The following FRMD4A variants were observed in gnomAD, a reference collection of about 807,000 sequenced individuals.
The protein encoded by FRMD4A is FERM domain-containing protein 4A.
FRMD4A carries 29 observed loss-of-function variants against 129.1 expected under a neutral mutation model. That is an observed-to-expected ratio of 0.22 (90% confidence interval 0.17 to 0.31). FRMD4A has a LOEUF of 0.31. Among genes scored for constraint, FRMD4A ranks in the 10% least tolerant of loss-of-function variants. The pLI is 1.00. For missense variants in FRMD4A, 1,272 were observed against 1,375.8 expected (o/e 0.92, Z 1.19); for synonymous variants, 634 against 571.6 (o/e 1.11, Z -1.56).
intron 2 of FRMD4A, among the ~76,000 whole-genome samples, chr10:14,142,017 G>A (rs759127411): frequency 4.6e-5 from 7 of 152,134 alleles, no homozygotes; most frequent in Non-Finnish European, 1.0e-4. Flanking sequence ...AAAGATTCAT[G>A]AGAAAGGCAG....
At chr10:13,910,888 G>GAAAAAAAA (rs141449954) in intron 2 of FRMD4A, among the ~76,000 whole-genome samples, 2 of 83,100 alleles carry the variant, frequency 2.4e-5, no homozygotes, top group African/African-American at 1.0e-4. Context: ...GGAGTTTCAT[G>GAAAAAAAA]AAAAAAAAAA....
At chr10:14,010,929 T>C (rs1449634383) in intron 2 of FRMD4A, among the ~76,000 whole-genome samples, 1 of 152,212 alleles carries the variant, frequency 6.6e-6, no homozygotes, top group Non-Finnish European at 1.5e-5. Flanking sequence ...ACTGAGCACC[T>C]ACCCATTGGC....
intron 3 of FRMD4A, among the ~76,000 whole-genome samples, chr10:13,811,289 GCT>G (rs2093440673): frequency 7.1e-6 from 1 of 140,452 alleles, no homozygotes; most frequent in African/African-American, 2.8e-5. Context: ...ACCACGCATG[GCT>G]TTTTTTTTTT....
At chr10:14,188,555 C>A (rs1190467826) in intron 2 of FRMD4A, among the ~76,000 whole-genome samples, 1 of 152,144 alleles carries the variant, frequency 6.6e-6, no homozygotes, top group Non-Finnish European at 1.5e-5. Context: ...AGAGATAAAG[C>A]AGGCCAAGAC....
At chr10:14,304,242 A>C (rs1321882868) in intron 2 of FRMD4A, among the ~76,000 whole-genome samples, 2 of 152,214 alleles carry the variant, frequency 1.3e-5, no homozygotes. Flanking sequence ...ACCATGCTAC[A>C]TTCTCACCAA....
At position 14,012,072 on chromosome 10, in the gene FRMD4A, A is replaced by C. The variant is rs182860422; in HGVS notation, c.46-153160T>G. ...AAACCTATGGAACAATATTACATAG[A>C]AAGAGCAGGTTGTTGTCAGGATAGT... is the stretch of plus-strand genomic sequence containing the variant. On this transcript the variant is annotated intron_variant, in intron 2 of 24. Coordinates refer to ENST00000357447, the MANE Select transcript of FRMD4A (RefSeq NM_018027.5). Among the ~76,000 whole-genome samples the C allele has an allele frequency of 5.5e-3, 840 of 152,008 alleles. 34 individuals carry two copies. The highest frequency in any genetic ancestry group is 0.044 in the Admixed American group (671 of 15,282).
intron 2 of FRMD4A, among the ~76,000 whole-genome samples, chr10:14,074,075 C>A (rs1432032978): frequency 1.3e-5 from 2 of 152,206 alleles, no homozygotes; most frequent in Non-Finnish European, 2.9e-5. Flanking sequence ...CGTGCCCCTG[C>A]ACTCCAGCCT....
chr10:14,061,601 T>G (rs1195958467), intron 2 of FRMD4A, among the ~76,000 whole-genome samples: 1 of 152,208 alleles, frequency 6.6e-6, no homozygotes, highest in Non-Finnish European at 1.5e-5. Context: ...CCTGAGACTT[T>G]TCTATCTAAT....
chr10:14,318,509 G>A (rs118119203), intron 2 of FRMD4A, among the ~76,000 whole-genome samples: 366 of 151,274 alleles, frequency 2.4e-3, no homozygotes, highest in Non-Finnish European at 4.0e-3. Flanking sequence ...CATCCTCTGA[G>A]TGTTCTTTGA....
intron 2 of FRMD4A, among the ~76,000 whole-genome samples, chr10:14,149,825 C>A (rs756430623): frequency 6.6e-6 from 1 of 152,196 alleles, no homozygotes; most frequent in African/African-American, 2.4e-5. Context: ...CACCTCATCC[C>A]GGCCAGCTCT....
chr10:13,657,727 C>T lies in FRMD4A; in HGVS notation c.2067-205G>A, dbSNP rs148250996. On this transcript the variant is annotated intron_variant, in intron 21 of 24. Coordinates refer to ENST00000357447, the MANE Select transcript of FRMD4A (RefSeq NM_018027.5). Reference sequence around the variant, plus strand: ...CGGGAGGTGAACCTGGGGTCTCCACCATGATTCCCAGTGGGAAGTGGGACT... The same window carrying T: ...CGGGAGGTGAACCTGGGGTCTCCACTATGATTCCCAGTGGGAAGTGGGACT... Among the ~76,000 whole-genome samples the T allele has an allele frequency of 9.2e-3, 1,395 of 151,554 alleles. 21 individuals carry two copies. The highest frequency in any genetic ancestry group is 0.032 in the African/African-American group (1,317 of 41,194).
At chr10:14,121,799 C>G (rs1838536964) in intron 2 of FRMD4A, among the ~76,000 whole-genome samples, 1 of 152,160 alleles carries the variant, frequency 6.6e-6, no homozygotes, top group Non-Finnish European at 1.5e-5. Flanking sequence ...ACTTGGGGGC[C>G]ATTCCGGCTG....
chr10:13,806,343 C>CA (rs202207725), intron 4 of FRMD4A, among the ~76,000 whole-genome samples: 2,313 of 150,516 alleles, frequency 0.015, 44 homozygotes, highest in African/African-American at 0.052. Context: ...AGAAATATTT[C>CA]AAAAAAAAAT....
intron 2 of FRMD4A, among the ~76,000 whole-genome samples, chr10:14,160,156 A>C (rs1054794755): frequency 1.3e-5 from 2 of 152,232 alleles, no homozygotes; most frequent in African/African-American, 4.8e-5. Flanking sequence ...GATATAAATA[A>C]GTCTATATAT....
chr10:14,164,563 G>C (rs757242747), intron 2 of FRMD4A, among the ~76,000 whole-genome samples: 10 of 152,198 alleles, frequency 6.6e-5, no homozygotes, highest in Non-Finnish European at 1.5e-4. Flanking sequence ...GGTGAGGTGG[G>C]ACTCAGCCTC....
chr10:14,148,323 T>C (rs1043606989), intron 2 of FRMD4A, among the ~76,000 whole-genome samples: 2 of 152,242 alleles, frequency 1.3e-5, no homozygotes, highest in African/African-American at 2.4e-5. Flanking sequence ...ATAGAAACTA[T>C]CATTGCATCT....
At chr10:14,115,688 C>T (rs910517081) in intron 2 of FRMD4A, among the ~76,000 whole-genome samples, 2 of 152,066 alleles carry the variant, frequency 1.3e-5, no homozygotes, top group African/African-American at 2.4e-5. Flanking sequence ...TTAAAAAGAG[C>T]CTGGTACCTC....
intron 5 of FRMD4A, among the ~76,000 whole-genome samples, chr10:13,786,182 T>C (rs1297214844): frequency 6.6e-6 from 1 of 152,252 alleles, no homozygotes; most frequent in Non-Finnish European, 1.5e-5. Flanking sequence ...TTCTAGATCC[T>C]TGAGGAATCG....
intron 2 of FRMD4A, among the ~76,000 whole-genome samples, chr10:14,077,389 T>G (rs1240122326): frequency 2.0e-5 from 3 of 152,202 alleles, no homozygotes; most frequent in African/African-American, 7.2e-5. Context: ...TCTTGGAGCT[T>G]TGGTTTTCTC....
Sources: gnomAD v4.1 joint callset for allele counts (sites outside exome capture counted in the v4.1 genomes callset) on GRCh38, gnomAD v4.1.1 for gene constraint, MANE v1.5 for transcripts, NCBI Gene and HGNC (gene_info 2026-07-23, HGNC 2026-07-21) for gene names.